MTA3: variants seen among roughly 807,000 people sequenced by gnomAD.
MTA3 encodes metastasis-associated protein MTA3.
Under a neutral mutation model 83.5 loss-of-function variants are expected in MTA3, and 34 were observed. The observed-to-expected ratio is 0.41, with a 90% CI of 0.31 to 0.54. The LOEUF is 0.54. Ranked by LOEUF, MTA3 falls within the 20% of genes least tolerant of loss-of-function variation. MTA3 has a pLI of 0.33. For missense variants in MTA3, 761 were observed against 726.4 expected (o/e 1.05, Z -0.55); for synonymous variants, 303 against 252.7 (o/e 1.20, Z -1.89).
Position 42,756,786 on chromosome 2 carries a change from C to T in MTA3, c.*3387C>T. 2 of 985,480 alleles carry T rather than the reference C, an allele frequency of 2.0e-6. No homozygotes were observed. Among genetic ancestry groups the T allele is most frequent in the Non-Finnish European group, 2.4e-6 (2 of 829,970 alleles). The allele number at this position is 985,480 out of a possible 1,614,324, so 61.0% of individuals were successfully genotyped here. ...CTCTGCACTATGTCTCTGATTTTCC[C>T]TGCCAGGGAAGCTAACCCAGAGCAC... is the stretch of plus-strand genomic sequence containing the variant. On this transcript the variant is annotated 3_prime_UTR_variant, in exon 17 of 17. Transcript: ENST00000405094.
chr2:42,666,883 T>C (rs1283872072), intron 8 of MTA3, among the ~76,000 whole-genome samples: 1 of 152,150 alleles, frequency 6.6e-6, no homozygotes, highest in Admixed American at 6.5e-5. Flanking sequence ...TTGAAATAGG[T>C]CATTGCAATA....
intron 2 of MTA3, among the ~76,000 whole-genome samples, chr2:42,572,219 C>T (rs1485077952): frequency 6.6e-6 from 1 of 151,706 alleles, no homozygotes; most frequent in Non-Finnish European, 1.5e-5. Flanking sequence ...GTGGAGCTTG[C>T]AGTGAGCCGA....
At chr2:42,585,818 G>T (rs1174762297) in intron 3 of MTA3, among the ~76,000 whole-genome samples, 1 of 151,998 alleles carries the variant, frequency 6.6e-6, no homozygotes, top group Non-Finnish European at 1.5e-5. Flanking sequence ...TATAATTACA[G>T]TTTTACCTAC....
At chr2:42,746,659 C>T (rs1669458437) in intron 16 of MTA3, among the ~76,000 whole-genome samples, 1 of 152,186 alleles carries the variant, frequency 6.6e-6, no homozygotes, top group Non-Finnish European at 1.5e-5. Flanking sequence ...TCCTTGGGTT[C>T]AATTAATATG....
At chr2:42,511,465 C>G (rs963218694) in intron 2 of MTA3, 1 of 152,164 alleles carries the variant, frequency 6.6e-6, no homozygotes, top group African/African-American at 2.4e-5. Flanking sequence ...GCCTGTAACC[C>G]CAACACTTTG....
chr2:42,686,336 C>G (rs749336328), intron 9 of MTA3, among the ~76,000 whole-genome samples: 6 of 152,152 alleles, frequency 3.9e-5, no homozygotes, highest in Non-Finnish European at 8.8e-5. Context: ...AAATTCACTC[C>G]TTTACAGTTT....
chr2:42,612,597 C>A (rs1004456794), intron 4 of MTA3, among the ~76,000 whole-genome samples: 2 of 152,122 alleles, frequency 1.3e-5, no homozygotes, highest in Non-Finnish European at 2.9e-5. Context: ...TGTGGTGGCT[C>A]ACACCTGTAA....
chr2:42,619,017 T>C (rs1685235388), intron 4 of MTA3, among the ~76,000 whole-genome samples: 1 of 152,228 alleles, frequency 6.6e-6, no homozygotes, highest in Admixed American at 6.5e-5. Context: ...CCTCTCATGT[T>C]AAGTAATGCT....
chr2:42,615,501 A>C (rs930147174), intron 4 of MTA3, among the ~76,000 whole-genome samples: 2 of 151,194 alleles, frequency 1.3e-5, no homozygotes, highest in Non-Finnish European at 1.5e-5. Context: ...GACTACAGGC[A>C]TGCGCCAGCG....
chr2:42,714,820 A>G (rs1461017198), intron 14 of MTA3, among the ~76,000 whole-genome samples: 1 of 152,176 alleles, frequency 6.6e-6, no homozygotes, highest in Non-Finnish European at 1.5e-5. Context: ...GATCCCTCGC[A>G]TAGCGGTTCA....
At chr2:42,551,715 G>C (rs1677116063) in intron 2 of MTA3, among the ~76,000 whole-genome samples, 1 of 151,938 alleles carries the variant, frequency 6.6e-6, no homozygotes, top group African/African-American at 2.4e-5. Context: ...AATAGGATGG[G>C]AAGGGAAGAC....
chr2:42,563,909 C>T (rs574429190), upstream of MTA3, among the ~76,000 whole-genome samples: 4 of 151,926 alleles, frequency 2.6e-5, no homozygotes, highest in African/African-American at 9.7e-5. Flanking sequence ...CTGCAACCTC[C>T]GCCTCCCAGG....
chr2:42,574,267 T>A (rs1412891521), intron 2 of MTA3, among the ~76,000 whole-genome samples: 2 of 151,562 alleles, frequency 1.3e-5, no homozygotes, highest in Non-Finnish European at 2.9e-5. Flanking sequence ...CCTGAGCAGC[T>A]GGGATTATAG....
intron 8 of MTA3, among the ~76,000 whole-genome samples, chr2:42,660,534 G>C (rs1347596558): frequency 6.6e-6 from 1 of 152,130 alleles, no homozygotes; most frequent in African/African-American, 2.4e-5. Context: ...ATAGGACCTG[G>C]CACTTACTGC....
chr2:42,678,278 C>G (rs143297781), intron 8 of MTA3, among the ~76,000 whole-genome samples: 4 of 152,122 alleles, frequency 2.6e-5, no homozygotes, highest in African/African-American at 9.6e-5. Flanking sequence ...GATTATAACT[C>G]GGAAATTGTT....
intron 16 of MTA3, among the ~76,000 whole-genome samples, chr2:42,747,479 C>T (rs897640261): frequency 6.6e-6 from 1 of 151,882 alleles, no homozygotes. Context: ...CTAAGGTCTG[C>T]CTTGGGGAGA....
At chr2:42,499,136 T>C (rs1674280019) in intron 2 of MTA3, among the ~76,000 whole-genome samples, 1 of 152,126 alleles carries the variant, frequency 6.6e-6, no homozygotes, top group South Asian at 2.1e-4. Context: ...AATAGTACTA[T>C]AATGCATACT....
In MTA3 at chr2:42,557,452, C is replaced by T. The variant is rs1057019557; in HGVS notation, c.-140-12985C>T. ...GAACCAATGACAGGTTTTGGCTGGA[C>T]GGATTCTGGGTGTCCTTTACCAAAG... On this transcript the variant is annotated intron_variant, in intron 2 of 17. Coordinates refer to the MTA3 transcript ENST00000405592. Among the ~76,000 whole-genome samples, 14 of 152,228 alleles carry T rather than the reference C, an allele frequency of 9.2e-5. No homozygotes were observed. The East Asian group carries it at 1.4e-3, about 15-fold the overall frequency.
chr2:42,506,779 T>C (rs543255326), intron 2 of MTA3, among the ~76,000 whole-genome samples: 2 of 151,700 alleles, frequency 1.3e-5, no homozygotes, highest in South Asian at 4.2e-4. Context: ...AGCTAATTTT[T>C]GTAAATTTAG....
Sources: allele counts gnomAD v4.1 joint callset (sites outside exome capture counted in the v4.1 genomes callset), GRCh38; gene constraint gnomAD v4.1.1; transcripts MANE v1.5; gene names NCBI Gene and HGNC (gene_info 2026-07-23, HGNC 2026-07-21).